Variants in DLGAP1 observed in about 807,000 individuals in gnomAD.
The protein encoded by DLGAP1 is DLG associated protein 1.
In DLGAP1, 11 loss-of-function variants were observed where a neutral mutation model predicts 90.8. The ratio of observed to expected loss-of-function variants is 0.12; its 90% CI spans 0.08 to 0.20. The LOEUF (loss-of-function observed/expected upper bound fraction) is 0.20. Among genes scored for constraint, DLGAP1 ranks in the 10% least tolerant of loss-of-function variants. DLGAP1 has a pLI of 1.00. For synonymous variants in DLGAP1, 558 were observed against 540.7 expected (o/e 1.03, Z -0.44); for missense variants, 1,050 against 1,333.8 (o/e 0.79, Z 3.31).
chr18:4,123,327 C>T (rs369231323), intron 2 of DLGAP1, among the ~76,000 whole-genome samples: 4 of 151,826 alleles, frequency 2.6e-5, no homozygotes, highest in African/African-American at 7.3e-5. Flanking sequence ...AAATGTAGGC[C>T]GAGGAAACTG....
At chr18:3,623,819 C>T (rs2058193042) in intron 7 of DLGAP1, among the ~76,000 whole-genome samples, 1 of 150,230 alleles carries the variant, frequency 6.7e-6, no homozygotes, top group Non-Finnish European at 1.5e-5. Context: ...CTAGAAAATG[C>T]TTTTCCCGTT....
intron 5 of DLGAP1, among the ~76,000 whole-genome samples, chr18:3,793,579 TGTCACTTA>T (rs923299282): frequency 3.3e-5 from 5 of 152,170 alleles, no homozygotes; most frequent in African/African-American, 9.7e-5. Context: ...TAGAGTCCCA[TGTCACTTA>T]GAGTACAACT....
intron 5 of DLGAP1, among the ~76,000 whole-genome samples, chr18:3,747,066 A>G (rs1375779523): frequency 1.3e-5 from 2 of 152,196 alleles, no homozygotes; most frequent in East Asian, 3.8e-4. Flanking sequence ...GTTACAAAAG[A>G]TAAACTAGGC....
At chr18:4,447,583 C>T (rs1468833928) in intron 1 of DLGAP1, among the ~76,000 whole-genome samples, 2 of 151,960 alleles carry the variant, frequency 1.3e-5, no homozygotes, top group Non-Finnish European at 2.9e-5. Context: ...TTTATTTCAC[C>T]ATCTGGGTGG....
At chr18:3,867,276 G>A (rs1051255086) in intron 4 of DLGAP1, among the ~76,000 whole-genome samples, 6 of 152,242 alleles carry the variant, frequency 3.9e-5, no homozygotes, top group Admixed American at 3.3e-4. Context: ...ACAACTGAGG[G>A]CCATGGAAAT....
In DLGAP1 at chr18:3,516,986, T is replaced by C. The variant is rs182367920; in HGVS notation, c.2480-8325A>G. On this transcript the variant is annotated intron_variant, in intron 10 of 12. Transcript: ENST00000315677. ...CAGAGCTCTTGGTTGACTAGGTGCA[T>C]TGTCAGTGAGCAGCAATATTTTGGA... Among the ~76,000 whole-genome samples the C allele has an allele frequency of 4.4e-3, 675 of 152,342 alleles. 6 individuals carry two copies. Among genetic ancestry groups the C allele is most frequent in the African/African-American group, 0.014 (592 of 41,590 alleles).
intron 1 of DLGAP1, among the ~76,000 whole-genome samples, chr18:4,234,470 C>A (rs992582542): frequency 2.0e-5 from 3 of 152,090 alleles, no homozygotes; most frequent in Admixed American, 1.3e-4. Flanking sequence ...TAGTTATGCA[C>A]CCAGCCAATT....
intron 4 of DLGAP1, among the ~76,000 whole-genome samples, chr18:3,833,932 T>C (rs2068210646): frequency 6.6e-6 from 1 of 152,204 alleles, no homozygotes; most frequent in African/African-American, 2.4e-5. Context: ...CTAAAGAAGT[T>C]GATAATACAA....
intron 1 of DLGAP1, among the ~76,000 whole-genome samples, chr18:4,155,580 G>A (rs1171424114): frequency 6.6e-6 from 1 of 152,134 alleles, no homozygotes; most frequent in Non-Finnish European, 1.5e-5. Flanking sequence ...AGTGAATAAG[G>A]AATTCATTAA....
At chr18:3,664,358 A>G (rs2146647286) in intron 7 of DLGAP1, among the ~76,000 whole-genome samples, 1 of 152,278 alleles carries the variant, frequency 6.6e-6, no homozygotes, top group Non-Finnish European at 1.5e-5. Flanking sequence ...AAGGTATAAT[A>G]TAATGATTGT....
At chr18:3,821,440 TA>T (rs34614137) in intron 4 of DLGAP1, among the ~76,000 whole-genome samples, 3 of 151,340 alleles carry the variant, frequency 2.0e-5, no homozygotes, top group Admixed American at 6.6e-5. Flanking sequence ...ACCAATAAAC[TA>T]AAAAAAAGAA....
chr18:4,123,998 T>A (rs2076194414), intron 2 of DLGAP1, among the ~76,000 whole-genome samples: 1 of 152,176 alleles, frequency 6.6e-6, no homozygotes, highest in African/African-American at 2.4e-5. Context: ...GAGGAAGCAA[T>A]ATTCTTATCA....
At chr18:3,948,075 A>C (rs2072911923) in intron 3 of DLGAP1, among the ~76,000 whole-genome samples, 1 of 152,200 alleles carries the variant, frequency 6.6e-6, no homozygotes, top group Non-Finnish European at 1.5e-5. Flanking sequence ...GTACACTCCC[A>C]TACATCCAAT....
At chr18:4,088,690 A>G (rs1244549616) in intron 2 of DLGAP1, among the ~76,000 whole-genome samples, 1 of 152,082 alleles carries the variant, frequency 6.6e-6, no homozygotes, top group Non-Finnish European at 1.5e-5. Flanking sequence ...CCGTCTGAAG[A>G]TGTCAAACCA....
At chr18:3,749,340 G>C (rs1332218891) in intron 5 of DLGAP1, among the ~76,000 whole-genome samples, 3 of 151,492 alleles carry the variant, frequency 2.0e-5, no homozygotes. Flanking sequence ...CTAGTAGAGA[G>C]GGGGGTTTCA....
chr18:3,611,076 G>A (rs1479619474), intron 7 of DLGAP1, among the ~76,000 whole-genome samples: 3 of 151,552 alleles, frequency 2.0e-5, no homozygotes, highest in Non-Finnish European at 4.4e-5. Flanking sequence ...AGGCTGCTGT[G>A]AGCTATGATC....
chr18:3,600,885 G>GAT (rs1491367999), intron 7 of DLGAP1, among the ~76,000 whole-genome samples: 8 of 13,874 alleles, frequency 5.8e-4, no homozygotes, highest in East Asian at 1.3e-3. Context: ...TATATAGATA[G>GAT]ATATATAGAT....
intron 1 of DLGAP1, among the ~76,000 whole-genome samples, chr18:4,308,247 G>A (rs1352899745): frequency 6.6e-6 from 1 of 152,146 alleles, no homozygotes; most frequent in East Asian, 1.9e-4. Context: ...ACTGCCCTCT[G>A]CCTTTGCTCT....
At chr18:3,803,186 G>T (rs1337889211) in intron 5 of DLGAP1, among the ~76,000 whole-genome samples, 1 of 152,092 alleles carries the variant, frequency 6.6e-6, no homozygotes, top group Admixed American at 6.5e-5. Flanking sequence ...CTCATTGGAC[G>T]ACTGGACCCC....
Sources: allele counts gnomAD v4.1 joint callset (sites outside exome capture counted in the v4.1 genomes callset), GRCh38; gene constraint gnomAD v4.1.1; transcripts MANE v1.5; gene names NCBI Gene and HGNC (gene_info 2026-07-23, HGNC 2026-07-21).